PTPRT: variants seen among roughly 807,000 people sequenced by gnomAD.
PTPRT encodes receptor-type tyrosine-protein phosphatase T.
A neutral mutation model predicts 176.8 loss-of-function variants in PTPRT; 56 were observed. That is an observed-to-expected ratio of 0.32 (90% CI 0.26 to 0.40). The LOEUF (loss-of-function observed/expected upper bound fraction) is 0.40, where lower values mean the gene tolerates loss of function less well. Ranked by LOEUF, PTPRT falls within the 10% of genes least tolerant of loss-of-function variation. The probability of loss-of-function intolerance (pLI) is 1.00; values close to 1 mark genes in which losing one functional copy is unlikely to be tolerated. For missense variants in PTPRT, 1,540 were observed against 1,908.2 expected (o/e 0.81, Z 3.60); for synonymous variants, 783 against 739.0 (o/e 1.06, Z -0.96).
intron 9 of PTPRT, among the ~76,000 whole-genome samples, chr20:42,388,163 T>C (rs2058763377): frequency 6.6e-6 from 1 of 152,172 alleles, no homozygotes; most frequent in Admixed American, 6.5e-5. Flanking sequence ...ACATTAATAG[T>C]GCTAAGGTTA....
chr20:42,817,924 A>C (rs2077818529), intron 2 of PTPRT, among the ~76,000 whole-genome samples: 1 of 152,222 alleles, frequency 6.6e-6, no homozygotes, highest in Non-Finnish European at 1.5e-5. Flanking sequence ...AGGGACCAGC[A>C]GACTTAGTCT....
rs1338004931 is a variant in PTPRT, at chr20:43,083,334, A to G, written c.88+106312T>C. Among the ~76,000 whole-genome samples, 667 of 101,022 alleles carry G rather than the reference A, an allele frequency of 6.6e-3. 81 individuals carry two copies. Among genetic ancestry groups the G allele is most frequent in the African/African-American group, 0.029 (639 of 22,244 alleles). 66.3% of individuals were successfully genotyped at this position (101,022 alleles called of 152,430 possible). On this transcript the variant is annotated intron_variant, in intron 1 of 30. Transcript: ENST00000373187. ...CCACTTCAAATGTATATATATATAT[A>G]TATATATATATATATATATATATAT...
chr20:42,548,942 T>A (rs1180751410), intron 7 of PTPRT, among the ~76,000 whole-genome samples: 1 of 152,066 alleles, frequency 6.6e-6, no homozygotes, highest in Non-Finnish European at 1.5e-5. Context: ...GGCAGAGAAA[T>A]AAGAAAGCTA....
At chr20:43,012,450 T>A (rs1985177056) in intron 1 of PTPRT, among the ~76,000 whole-genome samples, 1 of 152,088 alleles carries the variant, frequency 6.6e-6, no homozygotes, top group Non-Finnish European at 1.5e-5. Flanking sequence ...GAGTTAGTGT[T>A]TAAAGGGCAC....
chr20:42,222,214 G>T (rs1205683302), intron 15 of PTPRT, among the ~76,000 whole-genome samples: 1 of 152,130 alleles, frequency 6.6e-6, no homozygotes, highest in Non-Finnish European at 1.5e-5. Flanking sequence ...TGTTCCACGG[G>T]TTTCTTCCTT....
intron 11 of PTPRT, among the ~76,000 whole-genome samples, chr20:42,322,167 G>A (rs2145404241): frequency 6.6e-6 from 1 of 152,048 alleles, no homozygotes; most frequent in Non-Finnish European, 1.5e-5. Context: ...TCAATATCGT[G>A]AAAATGGCCA....
chr20:43,109,196 C>A (rs1266223300), intron 1 of PTPRT, among the ~76,000 whole-genome samples: 1 of 152,118 alleles, frequency 6.6e-6, no homozygotes, highest in Admixed American at 6.5e-5. Flanking sequence ...GCAATAATAT[C>A]AGGACTGTAT....
At chr20:42,142,627 C>T (rs551824749) in intron 17 of PTPRT, among the ~76,000 whole-genome samples, 105 of 152,210 alleles carry the variant, frequency 6.9e-4, no homozygotes, top group African/African-American at 2.4e-3. Context: ...TGGATATTAC[C>T]GAACCCTATA....
intron 16 of PTPRT, among the ~76,000 whole-genome samples, chr20:42,186,124 A>G (rs996189376): frequency 6.6e-6 from 1 of 152,062 alleles, no homozygotes; most frequent in Non-Finnish European, 1.5e-5. Context: ...CAATTAGGAG[A>G]AAAGCATGGG....
Position 42,911,930 on chromosome 20 carries a change from G to A in PTPRT, c.89-25998C>T, listed in dbSNP as rs206669. 4.2e-3 allele frequency among the ~76,000 whole-genome samples: 620 copies of A among 146,768 alleles called. 4 individuals are homozygous for A. The highest frequency in any genetic ancestry group is 0.014 in the African/African-American group (579 of 39,972). ...GTTCTTCTAAAACCCAATTTTAATG[G>A]TTGCCATCCTGCATGCTGTTAATTT... On this transcript the variant is annotated intron_variant, in intron 1 of 30. Coordinates refer to ENST00000373187, the MANE Select transcript of PTPRT (RefSeq NM_007050.6).
rs528208324 is a variant in PTPRT, at chr20:42,233,570, A to G, written c.2342+2659T>C. 1.1e-4 allele frequency among the ~76,000 whole-genome samples: 17 copies of G among 152,322 alleles called. No homozygotes were observed. The South Asian group carries it at 3.5e-3, about 32-fold the overall frequency. On this transcript the variant is annotated intron_variant, in intron 15 of 30. Coordinates refer to ENST00000373187, the MANE Select transcript of PTPRT (RefSeq NM_007050.6). ...TCTCCCCTCCTGTATAAATGATTAAATATACCTTACCTGTTCGATCCCTTT... is the reference window on the plus strand; with the variant it reads ...TCTCCCCTCCTGTATAAATGATTAAGTATACCTTACCTGTTCGATCCCTTT...
At chr20:42,555,670 G>C (rs963203051) in intron 7 of PTPRT, among the ~76,000 whole-genome samples, 1 of 152,172 alleles carries the variant, frequency 6.6e-6, no homozygotes, top group Non-Finnish European at 1.5e-5. Context: ...CCAGAGACAG[G>C]AGGTTTGCCA....
chr20:42,904,768 C>A (rs1420161276), intron 1 of PTPRT, among the ~76,000 whole-genome samples: 1 of 152,124 alleles, frequency 6.6e-6, no homozygotes, highest in East Asian at 1.9e-4. Context: ...CACCACACAT[C>A]TACAACCATC....
At chr20:42,061,732 C>T in the PTPRT span, among the ~76,000 whole-genome samples, 3 of 152,172 alleles carry the variant, frequency 2.0e-5, no homozygotes, top group Non-Finnish European at 4.4e-5. Context: ...TCTCGAGTTT[C>T]CTTGGATGAA....
chr20:42,271,722 T>C (rs1242757488), intron 13 of PTPRT, among the ~76,000 whole-genome samples: 1 of 152,202 alleles, frequency 6.6e-6, no homozygotes, highest in Non-Finnish European at 1.5e-5. Flanking sequence ...TCCTGTCCTT[T>C]CAAATCCACC....
chr20:42,914,476 T>A (rs1346178274), intron 1 of PTPRT, among the ~76,000 whole-genome samples: 1 of 152,184 alleles, frequency 6.6e-6, no homozygotes, highest in African/African-American at 2.4e-5. Flanking sequence ...CACATTTGCA[T>A]CCATACAATA....
intron 1 of PTPRT, among the ~76,000 whole-genome samples, chr20:43,106,698 A>C: frequency 7.0e-6 from 1 of 142,116 alleles, no homozygotes; most frequent in East Asian, 2.3e-4. Context: ...GAATGAAGGA[A>C]CAAAGGAAAG....
At chr20:42,802,246 C>G (rs184252844) in intron 2 of PTPRT, among the ~76,000 whole-genome samples, 2 of 152,206 alleles carry the variant, frequency 1.3e-5, no homozygotes, top group African/African-American at 4.8e-5. Flanking sequence ...CTCTAATTCC[C>G]CAGCCCTGAT....
intron 1 of PTPRT, among the ~76,000 whole-genome samples, chr20:43,151,029 G>A (rs553215040): frequency 2.6e-5 from 4 of 152,186 alleles, no homozygotes; most frequent in East Asian, 3.9e-4. Flanking sequence ...TAGACTGGTC[G>A]GGTGTGGTGG....
Sources: gnomAD v4.1 joint callset for allele counts (sites outside exome capture counted in the v4.1 genomes callset) on GRCh38, gnomAD v4.1.1 for gene constraint, MANE v1.5 for transcripts, NCBI Gene and HGNC (gene_info 2026-07-23, HGNC 2026-07-21) for gene names.